CADPS: variants seen among roughly 807,000 people sequenced by gnomAD.
The protein encoded by CADPS is calcium dependent secretion activator.
In CADPS, 57 loss-of-function variants were observed where a neutral mutation model predicts 167.3. The ratio of observed to expected loss-of-function variants is 0.34; its 90% CI spans 0.28 to 0.42. The LOEUF is 0.42. CADPS is among the 20% of genes least tolerant of loss of function. The pLI is 1.00. For synonymous variants in CADPS, 676 were observed against 635.3 expected (o/e 1.06, Z -0.96); for missense variants, 1,414 against 1,738.1 (o/e 0.81, Z 3.32).
intron 3 of CADPS, among the ~76,000 whole-genome samples, chr3:62,672,530 C>G (rs1034742822): frequency 4.6e-5 from 7 of 152,184 alleles, no homozygotes; most frequent in Admixed American, 1.3e-4. Context: ...CTGTCTTGTT[C>G]TCTACGCTCA....
intron 6 of CADPS, among the ~76,000 whole-genome samples, chr3:62,641,964 CA>C (rs2067511574): frequency 1.3e-5 from 2 of 152,092 alleles, no homozygotes; most frequent in South Asian, 4.2e-4. Flanking sequence ...CGATGCTGAG[CA>C]GGGTCCTGGC....
intron 2 of CADPS, among the ~76,000 whole-genome samples, chr3:62,760,275 GAGCAATT>G (rs543595274): frequency 6.6e-6 from 1 of 152,054 alleles, no homozygotes; most frequent in Non-Finnish European, 1.5e-5. Context: ...TTAGTCTTGA[GAGCAATT>G]AGGCAAGGAA....
intron 18 of CADPS, among the ~76,000 whole-genome samples, chr3:62,496,449 G>A (rs774811152): frequency 5.2e-4 from 79 of 152,124 alleles, no homozygotes; most frequent in African/African-American, 1.7e-3. Flanking sequence ...CTCTCAACAC[G>A]TTCTGTTTAT....
intron 9 of CADPS, among the ~76,000 whole-genome samples, chr3:62,568,579 G>C (rs950304755): frequency 2.0e-5 from 3 of 152,204 alleles, no homozygotes; most frequent in Non-Finnish European, 2.9e-5. Flanking sequence ...CAGACTGAAG[G>C]CTGTACTGTT....
intron 3 of CADPS, among the ~76,000 whole-genome samples, chr3:62,743,664 G>T (rs1217387468): frequency 6.6e-6 from 1 of 152,036 alleles, no homozygotes; most frequent in Non-Finnish European, 1.5e-5. Context: ...AAGACTGCAG[G>T]GCTTTGTTAA....
In CADPS at chr3:62,602,967, T is replaced by C. The variant is rs910764963; in HGVS notation, c.1326-10219A>G. Among the ~76,000 whole-genome samples the C allele has an allele frequency of 6.6e-6, 1 of 152,096 alleles. No individual in the cohort carries two copies. The highest frequency in any genetic ancestry group is 1.5e-5 in the Non-Finnish European group (1 of 68,032). ...TATATCACAAATCTGATTTTTGCTA[T>C]GGAGAAAAAGAAAGCAGAAAATGGC... On this transcript the variant is annotated intron_variant, in intron 6 of 29. Coordinates refer to ENST00000383710, the MANE Select transcript of CADPS (RefSeq NM_003716.4). This position sits in a 1 kb window ranked among gnomAD's most constrained non-coding sequence, Gnocchi z 4.4.
chr3:62,570,862 A>G lies in CADPS; in HGVS notation c.1644+10T>C, dbSNP rs762586143. 5 of 1,580,248 alleles carry G rather than the reference A, an allele frequency of 3.2e-6. No homozygotes were observed. In the Admixed American group the frequency reaches 5.0e-5, roughly 16 times the overall value. On this transcript the variant is annotated intron_variant, in intron 9 of 29. Transcript: ENST00000383710. ...TACTGATGTCTCTTAAGAGTTGAAG[A>G]GTTAGTTACCTGCACCAATACAAAA...
chr3:62,797,956 GACAT>G lies in CADPS; in HGVS notation c.442-31976_442-31973del, dbSNP rs200694588. On this transcript the variant is annotated intron_variant, in intron 1 of 29. Transcript: ENST00000383710. ...CTAATAAATGCAAAACTTAATGTTT[GACAT>G]TCATTCATTCATTCGTTCAACAAAT... Among the ~76,000 whole-genome samples the G allele has an allele frequency of 1.8e-3, 277 of 152,256 alleles. 1 individual carries two copies. Among genetic ancestry groups the G allele is most frequent in the African/African-American group, 6.5e-3 (269 of 41,562 alleles).
chr3:62,585,212 T>C lies in CADPS; in HGVS notation c.1550A>G (p.Asp517Gly). Reference sequence around the variant, plus strand: ...AGAATGCTTCATGTTTTGAGGCTTATCCATTCGGACAGCAAGTTTGATTTT... The same window carrying C: ...AGAATGCTTCATGTTTTGAGGCTTACCCATTCGGACAGCAAGTTTGATTTT... The part of the protein sequence containing the change: ...DLKIKLAVRM[D>G]KPQNMKHSGY... Residue 517 changes from aspartate to glycine, a missense_variant, in exon 8 of 30, where the codon GAT becomes GGT. Coordinates refer to ENST00000383710, the MANE Select transcript of CADPS (RefSeq NM_003716.4). The C allele has an allele frequency of 6.2e-7, 1 of 1,614,076 alleles. No homozygotes were observed. The highest frequency in any genetic ancestry group is 8.5e-7 in the Non-Finnish European group (1 of 1,179,934).
chr3:62,730,941 C>T (rs1485494924), intron 3 of CADPS, among the ~76,000 whole-genome samples: 1 of 152,190 alleles, frequency 6.6e-6, no homozygotes, highest in Non-Finnish European at 1.5e-5. Context: ...TCTAATAGAC[C>T]TCTTTCAAAG....
intron 13 of CADPS, among the ~76,000 whole-genome samples, chr3:62,518,783 T>G (rs950694291): frequency 6.6e-6 from 1 of 152,112 alleles, no homozygotes; most frequent in Admixed American, 6.6e-5. Context: ...AAAATTCCTA[T>G]GAAAATCAGG....
At chr3:62,492,605 G>T (rs143548624) in intron 19 of CADPS, among the ~76,000 whole-genome samples, 159 bp from the exon 20 acceptor site, 64 of 152,254 alleles carry the variant, frequency 4.2e-4, no homozygotes, top group Non-Finnish European at 6.8e-4. Context: ...ATACAATTGG[G>T]GTGTTAAGTG....
intron 12 of CADPS, among the ~76,000 whole-genome samples, chr3:62,533,582 G>A (rs948519541): frequency 5.9e-5 from 9 of 152,236 alleles, no homozygotes; most frequent in Non-Finnish European, 8.8e-5. Flanking sequence ...AATCCTGGTC[G>A]TTAAGTGACT....
chr3:62,618,770 C>T (rs2062724335), intron 6 of CADPS, among the ~76,000 whole-genome samples: 1 of 152,182 alleles, frequency 6.6e-6, no homozygotes, highest in Non-Finnish European at 1.5e-5. Flanking sequence ...GAGTTCCATT[C>T]CTTCAGGCTT....
At chr3:62,611,145 C>G (rs1446285409) in intron 6 of CADPS, among the ~76,000 whole-genome samples, 6 of 152,176 alleles carry the variant, frequency 3.9e-5, no homozygotes, top group African/African-American at 1.4e-4. Flanking sequence ...CCCCACATAA[C>G]ACTCGGCTTC....
intron 11 of CADPS, among the ~76,000 whole-genome samples, chr3:62,542,759 A>G (rs185790159): frequency 6.6e-6 from 1 of 152,286 alleles, no homozygotes. Flanking sequence ...CCCCAAAAGG[A>G]TAAGTGTGTG....
intron 6 of CADPS, among the ~76,000 whole-genome samples, chr3:62,635,651 T>G (rs2066149425): frequency 3.7e-5 from 2 of 53,764 alleles, no homozygotes; most frequent in Admixed American, 2.1e-4. Context: ...TCTCTGTTTT[T>G]TTTTTTTTTT....
intron 10 of CADPS, chr3:62,550,710 A>G (rs1348325644): frequency 2.1e-5 from 9 of 435,574 alleles, no homozygotes; most frequent in Non-Finnish European, 3.7e-5. Context: ...TCTGCCTTAC[A>G]ACCCCTCCAA....
chr3:62,844,053 C>A (rs2077021623), intron 1 of CADPS, among the ~76,000 whole-genome samples: 1 of 152,080 alleles, frequency 6.6e-6, no homozygotes, highest in Admixed American at 6.6e-5. Context: ...TAAAGATAGG[C>A]TTTTCTCTAG....
Sources: gnomAD v4.1 joint callset for allele counts (sites outside exome capture counted in the v4.1 genomes callset) on GRCh38, gnomAD v4.1.1 for gene constraint, Gnocchi (gnomAD v3.1) non-coding constraint, MANE v1.5 for transcripts, NCBI Gene and HGNC (gene_info 2026-07-23, HGNC 2026-07-21) for gene names.